The following ASAP1 variants were observed in gnomAD, a reference collection of about 807,000 sequenced individuals.
The protein encoded by ASAP1 is ArfGAP with SH3 domain, ankyrin repeat and PH domain 1.
ASAP1 carries 43 observed loss-of-function variants against 145.2 expected under a neutral mutation model. The observed-to-expected ratio is 0.30, with a 90% CI of 0.23 to 0.38. The LOEUF (loss-of-function observed/expected upper bound fraction) is 0.38, where lower values mean the gene tolerates loss of function less well. Among genes scored for constraint, ASAP1 ranks in the 10% least tolerant of loss-of-function variants. ASAP1 has a pLI of 1.00. For synonymous variants in ASAP1, 546 were observed against 515.5 expected (o/e 1.06, Z -0.80); for missense variants, 1,018 against 1,355.3 (o/e 0.75, Z 3.91).
At chr8:130,278,729 T>C (rs948480747) in intron 3 of ASAP1, among the ~76,000 whole-genome samples, 3 of 152,170 alleles carry the variant, frequency 2.0e-5, no homozygotes, top group African/African-American at 7.2e-5. Context: ...CCTTTCTAAA[T>C]ATAAATACGC....
chr8:130,149,288 G>A (rs1158199258), intron 13 of ASAP1, among the ~76,000 whole-genome samples: 1 of 150,074 alleles, frequency 6.7e-6, no homozygotes, highest in East Asian at 1.9e-4. Context: ...TACTGTTATA[G>A]CAAATTCAGA....
At chr8:130,413,256 G>A (rs955748279) in intron 1 of ASAP1, among the ~76,000 whole-genome samples, 2 of 152,076 alleles carry the variant, frequency 1.3e-5, no homozygotes, top group African/African-American at 4.8e-5. Context: ...TCTAGTTTTA[G>A]AACTAAAAAA....
chr8:130,341,686 G>A (rs150311707), intron 3 of ASAP1, among the ~76,000 whole-genome samples: 3 of 152,098 alleles, frequency 2.0e-5, no homozygotes, highest in Non-Finnish European at 2.9e-5. Flanking sequence ...AAATAATTCC[G>A]TGTCTTCAAC....
intron 3 of ASAP1, among the ~76,000 whole-genome samples, chr8:130,250,066 G>A (rs543714034): frequency 6.6e-6 from 1 of 152,114 alleles, no homozygotes; most frequent in East Asian, 1.9e-4. Flanking sequence ...AAATATATTT[G>A]GGAAAGTATC....
chr8:130,433,462 T>C (rs1479283847), intron 1 of ASAP1, among the ~76,000 whole-genome samples: 1 of 152,228 alleles, frequency 6.6e-6, no homozygotes, highest in African/African-American at 2.4e-5. Context: ...ACTCTCTCCC[T>C]TCCCTATACA....
intron 5 of ASAP1, among the ~76,000 whole-genome samples, chr8:130,197,856 A>G (rs1251636838): frequency 6.6e-6 from 1 of 152,184 alleles, no homozygotes; most frequent in African/African-American, 2.4e-5. Flanking sequence ...GGGTTCCATG[A>G]AGGTTGCCAG....
At chr8:130,225,887 G>C (rs918921733) in intron 4 of ASAP1, among the ~76,000 whole-genome samples, 2 of 152,090 alleles carry the variant, frequency 1.3e-5, no homozygotes, top group African/African-American at 4.8e-5. Flanking sequence ...TTAAGATTTT[G>C]TTTTGTTTTG....
chr8:130,339,792 T>G (rs1156910000), intron 3 of ASAP1, among the ~76,000 whole-genome samples: 1 of 152,158 alleles, frequency 6.6e-6, no homozygotes, highest in African/African-American at 2.4e-5. Flanking sequence ...GAAAATGAGA[T>G]GGTTGACCTC....
intron 1 of ASAP1, among the ~76,000 whole-genome samples, chr8:130,411,331 C>T (rs1017110883): frequency 5.9e-5 from 9 of 152,228 alleles, no homozygotes; most frequent in African/African-American, 2.2e-4. Flanking sequence ...CTCGGAGTGC[C>T]AGGAAATGAA....
intron 1 of ASAP1, among the ~76,000 whole-genome samples, chr8:130,425,358 A>T (rs1829878453): frequency 6.6e-6 from 1 of 151,966 alleles, no homozygotes; most frequent in South Asian, 2.1e-4. Context: ...TGTAAATAAA[A>T]ATACAAAAAT....
At chr8:130,093,148 CA>C (rs996041212) in intron 24 of ASAP1, among the ~76,000 whole-genome samples, 1 of 152,080 alleles carries the variant, frequency 6.6e-6, no homozygotes, top group African/African-American at 2.4e-5. Flanking sequence ...AAAGACAAGA[CA>C]GCAGGAATGA....
rs923022821 is a variant in ASAP1 at position 130,358,876 on chromosome 8, C to T, written c.60-733G>A. 1.3e-5 allele frequency among the ~76,000 whole-genome samples: 2 copies of T among 152,054 alleles called. No individual in the cohort carries two copies. The highest frequency in any genetic ancestry group is 2.9e-5 in the Non-Finnish European group (2 of 67,986). On this transcript the variant is annotated intron_variant, in intron 2 of 29. Coordinates refer to ENST00000518721, the MANE Select transcript of ASAP1 (RefSeq NM_018482.4). This position sits in a 1 kb window ranked among gnomAD's most constrained non-coding sequence, Gnocchi z 4.1. ...TGGTTCGCCCCCGGAGCGGTTACTT[C>T]AGCGAGCTCGTTGCGCGAGCGTTTT...
intron 3 of ASAP1, among the ~76,000 whole-genome samples, chr8:130,313,869 T>G (rs949559359): frequency 6.6e-6 from 1 of 152,164 alleles, no homozygotes; most frequent in African/African-American, 2.4e-5. Context: ...CTGTCTGCAG[T>G]CAATGCCACT....
In ASAP1 at chr8:130,058,063, A is replaced by G. The variant is rs777215885; in HGVS notation, c.3206T>C (p.Val1069Ala). Residue 1069 changes from valine (V) to alanine (A), a missense_variant, in exon 29 of 30, where the codon GTG (valine) becomes GCG (alanine). Coordinates refer to ENST00000518721, the MANE Select transcript of ASAP1 (RefSeq NM_018482.4). Reference sequence around the variant, plus strand: ...GTCATAAATGGTCTTCACTCGCCTCACTTTATTTTTCCCCTTAAAGAAAGA... The same window carrying G: ...GTCATAAATGGTCTTCACTCGCCTCGCTTTATTTTTCCCCTTAAAGAAAGA... ...PRKINTGKNK[V>A]RRVKTIYDCQ... 1.8e-5 allele frequency: 29 copies of G among 1,613,272 alleles called. No homozygotes were observed. The Admixed American group carries it at 4.5e-4, about 25-fold the overall frequency.
chr8:130,146,983 T>A (rs1283053612), intron 13 of ASAP1, among the ~76,000 whole-genome samples: 1 of 152,086 alleles, frequency 6.6e-6, no homozygotes, highest in Non-Finnish European at 1.5e-5. Flanking sequence ...CCCAGAACTT[T>A]GGGAAGCCGA....
intron 3 of ASAP1, among the ~76,000 whole-genome samples, chr8:130,329,233 T>C (rs1824529583): frequency 6.6e-6 from 1 of 152,210 alleles, no homozygotes; most frequent in Admixed American, 6.5e-5. Flanking sequence ...TAAATAAGTT[T>C]TCCAGTTCTG....
chr8:130,094,363 A>G (rs756902776), intron 24 of ASAP1, among the ~76,000 whole-genome samples: 2 of 152,062 alleles, frequency 1.3e-5, no homozygotes, highest in Admixed American at 6.6e-5. Flanking sequence ...GGCATGTATC[A>G]TAACATCCAG....
intron 13 of ASAP1, among the ~76,000 whole-genome samples, chr8:130,142,526 T>A (rs1228086518): frequency 2.0e-5 from 3 of 152,206 alleles, no homozygotes; most frequent in African/African-American, 7.2e-5. Flanking sequence ...GAGAAACACA[T>A]GGTCCATGCC....
At chr8:130,368,307 A>T (rs776464206) in intron 2 of ASAP1, among the ~76,000 whole-genome samples, 3 of 152,196 alleles carry the variant, frequency 2.0e-5, no homozygotes, top group Non-Finnish European at 4.4e-5. Flanking sequence ...TTGTGTGAAT[A>T]AACTACTTTT....
Sources: gnomAD v4.1 joint callset for allele counts (sites outside exome capture counted in the v4.1 genomes callset) on GRCh38, gnomAD v4.1.1 for gene constraint, Gnocchi (gnomAD v3.1) non-coding constraint, MANE v1.5 for transcripts, NCBI Gene and HGNC (gene_info 2026-07-23, HGNC 2026-07-21) for gene names.